The following PTPRD variants were observed in gnomAD, a reference collection of about 807,000 sequenced individuals.
The protein encoded by PTPRD is receptor-type tyrosine-protein phosphatase delta.
PTPRD carries 34 observed loss-of-function variants against 214.5 expected under a neutral mutation model. The ratio of observed to expected loss-of-function variants is 0.16; its 90% confidence interval spans 0.12 to 0.21. The LOEUF (loss-of-function observed/expected upper bound fraction) is 0.21, where lower values mean the gene tolerates loss of function less well. Among genes scored for constraint, PTPRD ranks in the 10% least tolerant of loss-of-function variants. PTPRD has a pLI of 1.00. For missense variants in PTPRD, 2,545 were observed against 2,398.7 expected, an observed-to-expected ratio of 1.06 and a Z score of -1.27; for synonymous variants, 1,128 against 845.7, an observed-to-expected ratio of 1.33 and a Z score of -5.79.
rs147483884 is a variant in PTPRD, at chr9:9,849,605, T to C, written c.-367-82754A>G. Among the ~76,000 whole-genome samples the C allele has an allele frequency of 2.5e-3, 373 of 152,240 alleles. 2 individuals are homozygous for C. The highest frequency in any genetic ancestry group is 2.7e-3 in the Non-Finnish European group (187 of 68,006). On this transcript the variant is annotated intron_variant, in intron 5 of 45. Transcript: ENST00000381196. ...CATAATGAACTGTTGTGAATCATTC[T>C]AGATTTCAAGTAGAAGCACATTTAT...
At chr9:10,461,774 C>A (rs1046552328) in intron 2 of PTPRD, among the ~76,000 whole-genome samples, 1 of 152,034 alleles carries the variant, frequency 6.6e-6, no homozygotes, top group African/African-American at 2.4e-5. Flanking sequence ...AGGCGTGAGC[C>A]TCCAGGCCCA....
intron 2 of PTPRD, among the ~76,000 whole-genome samples, chr9:10,440,209 A>G (rs1360604962): frequency 6.6e-6 from 1 of 151,694 alleles, no homozygotes; most frequent in African/African-American, 2.4e-5. Context: ...AACTATAAAA[A>G]CAGTTTTTGT....
chr9:8,691,785 C>A (rs999510434), intron 12 of PTPRD, among the ~76,000 whole-genome samples: 1 of 152,186 alleles, frequency 6.6e-6, no homozygotes, highest in African/African-American at 2.4e-5. Context: ...CTCCTGTAAT[C>A]TAAACTAACT....
intron 5 of PTPRD, among the ~76,000 whole-genome samples, chr9:9,934,744 A>C: frequency 6.6e-6 from 1 of 151,802 alleles, no homozygotes; most frequent in Non-Finnish European, 1.5e-5. Context: ...GCATCATTTT[A>C]ATACCAAAGC....
intron 2 of PTPRD, among the ~76,000 whole-genome samples, chr9:10,391,959 T>A (rs1423171977): frequency 6.6e-6 from 1 of 151,810 alleles, no homozygotes; most frequent in Admixed American, 6.6e-5. Flanking sequence ...TCCTTCAGGT[T>A]TCTGCTCAAA....
chr9:8,722,860 A>G (rs1753882867), intron 12 of PTPRD, among the ~76,000 whole-genome samples: 1 of 152,228 alleles, frequency 6.6e-6, no homozygotes, highest in Non-Finnish European at 1.5e-5. Context: ...TTGTGCTTTT[A>G]TTTACCAAAG....
intron 2 of PTPRD, among the ~76,000 whole-genome samples, chr9:10,524,288 G>T (rs1487709940): frequency 6.6e-6 from 1 of 152,014 alleles, no homozygotes; most frequent in Non-Finnish European, 1.5e-5. Context: ...ATTTACATTT[G>T]TTCCGAGGCA....
chr9:8,643,902 G>A (rs1382943399), intron 12 of PTPRD, among the ~76,000 whole-genome samples: 1 of 152,196 alleles, frequency 6.6e-6, no homozygotes, highest in Non-Finnish European at 1.5e-5. Context: ...GATCCGGTGA[G>A]GTCCCACCTT....
chr9:8,898,603 G>T (rs144594357), intron 11 of PTPRD, among the ~76,000 whole-genome samples: 9 of 152,142 alleles, frequency 5.9e-5, no homozygotes, highest in Non-Finnish European at 1.3e-4. Context: ...GGTTGAGTGA[G>T]ATTTTATATT....
At chr9:8,974,491 G>A (rs2099256977) in intron 11 of PTPRD, among the ~76,000 whole-genome samples, 2 of 151,960 alleles carry the variant, frequency 1.3e-5, no homozygotes, top group African/African-American at 2.4e-5. Flanking sequence ...GTGGTTTGCT[G>A]TACCCATCAA....
intron 2 of PTPRD, among the ~76,000 whole-genome samples, chr9:10,396,740 C>T (rs1307813354): frequency 6.6e-6 from 1 of 151,980 alleles, no homozygotes; most frequent in Non-Finnish European, 1.5e-5. Flanking sequence ...GTATACATAA[C>T]AATTGCCTGT....
At chr9:8,827,422 C>A (rs528206427) in intron 11 of PTPRD, among the ~76,000 whole-genome samples, 4 of 152,200 alleles carry the variant, frequency 2.6e-5, no homozygotes, top group South Asian at 2.1e-4. Flanking sequence ...GCCTGGGCAA[C>A]ATGGTGAAAC....
chr9:8,995,618 T>C (rs1190224973), intron 11 of PTPRD, among the ~76,000 whole-genome samples: 2 of 152,044 alleles, frequency 1.3e-5, no homozygotes, highest in African/African-American at 4.8e-5. Context: ...TATCAATTAA[T>C]GTCCAGAACA....
chr9:8,997,957 C>G (rs576260648), intron 11 of PTPRD, among the ~76,000 whole-genome samples: 1 of 152,038 alleles, frequency 6.6e-6, no homozygotes, highest in Non-Finnish European at 1.5e-5. Context: ...GACCACAGCC[C>G]TAACTCTCTT....
chr9:8,423,958 C>G (rs1359114), intron 35 of PTPRD, among the ~76,000 whole-genome samples: 75,426 of 151,832 alleles, frequency 0.5, 19,171 homozygotes, highest in East Asian at 0.72. Flanking sequence ...GTTTGACAAG[C>G]TTAGGATGGA....
chr9:9,047,900 A>C (rs1307038129), intron 10 of PTPRD, among the ~76,000 whole-genome samples: 1 of 152,104 alleles, frequency 6.6e-6, no homozygotes. Context: ...CAGGTTAAAA[A>C]CCATTCTCAA....
chr9:9,472,811 C>T (rs2094718461), intron 8 of PTPRD, among the ~76,000 whole-genome samples: 1 of 152,098 alleles, frequency 6.6e-6, no homozygotes, highest in African/African-American at 2.4e-5. Context: ...TTCAACTCAT[C>T]TTATCCATTT....
intron 5 of PTPRD, among the ~76,000 whole-genome samples, chr9:9,852,661 T>C (rs1254987161): frequency 6.6e-6 from 1 of 152,134 alleles, no homozygotes; most frequent in Non-Finnish European, 1.5e-5. Flanking sequence ...TAAAGATTAT[T>C]CCTTTTTTCT....
intron 9 of PTPRD, among the ~76,000 whole-genome samples, chr9:9,240,997 C>G (rs895400914): frequency 3.3e-5 from 5 of 152,030 alleles, no homozygotes; most frequent in African/African-American, 9.7e-5. Context: ...GTACAGGTTT[C>G]TGATAACTTT....
Sources: allele counts gnomAD v4.1 joint callset (sites outside exome capture counted in the v4.1 genomes callset), GRCh38; gene constraint gnomAD v4.1.1; transcripts MANE v1.5; gene names NCBI Gene and HGNC (gene_info 2026-07-23, HGNC 2026-07-21).